AKAP4: variants seen among roughly 807,000 people sequenced by gnomAD.
AKAP4 encodes A-kinase anchor protein 4.
Under a neutral mutation model 42.6 loss-of-function variants are expected in AKAP4, and 4 were observed. The observed-to-expected ratio is 0.09, with a 90% confidence interval of 0.05 to 0.22. AKAP4 has a LOEUF of 0.22. AKAP4 is among the 10% of genes least tolerant of loss of function. The pLI, the probability that AKAP4 is intolerant of heterozygous loss-of-function variation, is 1.00. For missense variants in AKAP4, 551 were observed against 630.7 expected (o/e 0.87, Z 1.35); for synonymous variants, 223 against 233.0 (o/e 0.96, Z 0.39).
chrX:50,195,476 TAA>T (rs1935178815), intron 4 of AKAP4, among the ~76,000 whole-genome samples: 1 of 112,201 alleles, frequency 8.9e-6, no homozygotes, highest in South Asian at 3.7e-4. Flanking sequence ...TGTATATTTA[TAA>T]GTGTGTATAC....
chrX:50,197,713 A>G (rs1935209998), intron 2 of AKAP4, 119 bp from the exon 3 acceptor site: 2 of 569,918 alleles, frequency 3.5e-6, no homozygotes, highest in Non-Finnish European at 2.7e-6. Context: ...TAACTGAGAT[A>G]CTATATGGAA....
At chrX:50,198,391 G>A (rs1029002740) in intron 2 of AKAP4, among the ~76,000 whole-genome samples, 6 of 109,549 alleles carry the variant, frequency 5.5e-5, no homozygotes, top group African/African-American at 2.0e-4. Context: ...AATAGAGGCT[G>A]GTTGCCAGGC....
At position 50,200,952 on chromosome X, in the gene AKAP4, C is replaced by T; in HGVS notation, c.-63G>A. Reference sequence around the variant, plus strand: ...TGCTGTGATGACTCTTCCAGTCTGCCTCAAGATACTGCTTTTTTCTTCAAC... The same window carrying T: ...TGCTGTGATGACTCTTCCAGTCTGCTTCAAGATACTGCTTTTTTCTTCAAC... On this transcript the variant is annotated 5_prime_UTR_variant, in exon 1 of 6. Transcript: ENST00000358526. 2 of 1,092,850 alleles carry T rather than the reference C, an allele frequency of 1.8e-6. No individual in the cohort carries two copies. The highest frequency in any genetic ancestry group is 2.5e-6 in the Non-Finnish European group (2 of 789,506). The allele number at this position is 1,092,850 out of a possible 1,213,427, so 90.1% of individuals were successfully genotyped here.
At chrX:50,194,644 G>C (rs1314527366) in intron 4 of AKAP4, among the ~76,000 whole-genome samples, 1 of 109,112 alleles carries the variant, frequency 9.2e-6, no homozygotes, top group Non-Finnish European at 1.9e-5. Context: ...TTATAGAAGG[G>C]TTATCAATAT....
chrX:50,193,298 G>T lies in AKAP4; in HGVS notation c.1415C>A (p.Ala472Asp). 8.3e-7 allele frequency: 1 copy of T among 1,211,374 alleles called. No individual in the cohort carries two copies. The highest frequency in any genetic ancestry group is 1.1e-6 in the Non-Finnish European group (1 of 895,516). The change falls in exon 5 of 6, where the codon GCT becomes GAT. Residue 472 changes from alanine (A) to aspartate (D), a missense_variant. Transcript: ENST00000358526. ...GCCTTTGTCCCTCTCTTTCATTTCA[G>T]CTTTCATGGTGGAGAATTCAAGACT... The part of the protein sequence containing the change: ...NQSLEFSTMK[A>D]EMKERDKGKM...
intron 1 of AKAP4, chrX:50,200,406 C>T (rs1380009291): frequency 2.7e-6 from 2 of 753,865 alleles, no homozygotes; most frequent in South Asian, 1.3e-4. Flanking sequence ...GCCTCTGACC[C>T]TGGGGTGTGG....
At chrX:50,196,305 C>T (rs1422388892) in intron 4 of AKAP4, among the ~76,000 whole-genome samples, 1 of 111,644 alleles carries the variant, frequency 9.0e-6, no homozygotes, top group Non-Finnish European at 1.9e-5. Context: ...ACCAGCCACT[C>T]CAGGCTTGTA....
chrX:50,200,782 G>T, intron 1 of AKAP4, 81 bp downstream of exon 1: 1 of 930,261 alleles, frequency 1.1e-6, no homozygotes, highest in Non-Finnish European at 1.5e-6. Context: ...AAACTTGGAG[G>T]CTGCCTCAGC....
Position 50,193,369 on chromosome X carries a change from A to G in AKAP4, c.1344T>C (p.Tyr448=). The G allele has an allele frequency of 8.3e-7, 1 of 1,211,583 alleles. No homozygotes were observed. Among genetic ancestry groups the G allele is most frequent in the African/African-American group, 1.7e-5 (1 of 57,767 alleles). The change falls in exon 5 of 6, where the codon TAT becomes TAC. Residue 448 remains tyrosine (Y), a synonymous_variant. Transcript: ENST00000358526. ...EKETKSQSLS[Y]ASLKAGSHDP... ...CATGGGACCCAGCTTTTAAAGATGCATATGACAGACTCTGAGACTTAGTCT... is the reference window on the plus strand; with the variant it reads ...CATGGGACCCAGCTTTTAAAGATGCGTATGACAGACTCTGAGACTTAGTCT...
chrX:50,190,884 G>T lies in AKAP4; in HGVS notation c.*76C>A. ...CAGTTGTGTATTGTGCAGTTGACTG[G>T]CCTGATGGTGGGGGTGCTCTGGCTG... On this transcript the variant is annotated 3_prime_UTR_variant, in exon 6 of 6. Transcript: ENST00000358526. The T allele has an allele frequency of 1.7e-6, 2 of 1,145,843 alleles. No individual in the cohort carries two copies. Among genetic ancestry groups the T allele is most frequent in the Non-Finnish European group, 1.2e-6 (1 of 845,719 alleles). 94.4% of individuals were successfully genotyped at this position (1,145,843 alleles called of 1,213,427 possible).
rs781868791 is a variant in AKAP4 at position 50,192,500 on chromosome X, C to T, written c.2213G>A (p.Gly738Asp). ...AASANKPNFRGTRCIHSGAMP... is the reference protein window; with the variant it reads ...AASANKPNFRDTRCIHSGAMP... The stretch of plus-strand genomic sequence containing the variant: ...TGCACCACTGTGAATGCATCTGGTG[C>T]CCCTGAAATTGGGCTTATTTGCCGA... Residue 738 changes from glycine (G) to aspartate (D), a missense_variant, in exon 5 of 6, where the codon GGC becomes GAC. Gly to Asp is a moderately conservative substitution (Grantham distance 94, BLOSUM62 -1). Coordinates refer to ENST00000358526, the MANE Select transcript of AKAP4 (RefSeq NM_003886.3). 16 of 1,211,188 alleles carry T rather than the reference C, an allele frequency of 1.3e-5. No individual in the cohort carries two copies. The highest frequency in any genetic ancestry group is 1.8e-5 in the Non-Finnish European group (16 of 895,325).
At chrX:50,199,156 C>A (rs1218851761) in intron 1 of AKAP4, among the ~76,000 whole-genome samples, 1 of 110,920 alleles carries the variant, frequency 9.0e-6, no homozygotes, top group Admixed American at 9.6e-5. Context: ...CAAAAAACTC[C>A]AGCTCACGTT....
chrX:50,193,239 T>C lies in AKAP4; in HGVS notation c.1474A>G (p.Ser492Gly), dbSNP rs782458932. ...ATGTGTTCACCGACTTTCTCAGCACTAGTCAGTGACTTGCATGGGTCTGAT... is the reference window on the plus strand; with the variant it reads ...ATGTGTTCACCGACTTTCTCAGCACCAGTCAGTGACTTGCATGGGTCTGAT... ...MKSDPCKSLT[S>G]AEKVGEHILK... is the part of the protein sequence containing the mutation. The change falls in exon 5 of 6, where the codon AGT becomes GGT. Residue 492 changes from serine to glycine, a missense_variant. By Grantham distance (56) the Ser-to-Gly change is moderately conservative (BLOSUM62 0). Transcript: ENST00000358526. The C allele has an allele frequency of 2.0e-5, 24 of 1,210,127 alleles. No individual in the cohort carries two copies. In the East Asian group the frequency reaches 6.2e-4, roughly 31 times the overall value.
chrX:50,196,272 A>G (rs1935190959), intron 4 of AKAP4, among the ~76,000 whole-genome samples: 1 of 111,663 alleles, frequency 9.0e-6, no homozygotes, highest in African/African-American at 3.3e-5. Flanking sequence ...CCTCTGCATT[A>G]AAGTCAAATA....
chrX:50,194,552 G>A (rs371583812), intron 4 of AKAP4, 116 bp from the exon 5 acceptor site: 1 of 550,918 alleles, frequency 1.8e-6, no homozygotes, highest in African/African-American at 2.4e-5. Context: ...GTATGGGAAC[G>A]TAACATCCAG....
chrX:50,198,835 G>A, intron 1 of AKAP4, 83 bp from the exon 2 acceptor site: 2 of 745,925 alleles, frequency 2.7e-6, no homozygotes, highest in East Asian at 3.5e-5. Flanking sequence ...ATCTCTGGAG[G>A]GGTTCTGAAA....
In AKAP4 at chrX:50,200,878, G is replaced by C; in HGVS notation, c.12C>G (p.Tyr4Ter). The C allele has an allele frequency of 1.7e-6, 2 of 1,207,168 alleles. No individual in the cohort carries two copies. Among genetic ancestry groups the C allele is most frequent in the East Asian group, 3.0e-5 (1 of 33,740 alleles). The change falls in exon 1 of 6, where the codon TAC (tyrosine) becomes TAG (stop). Residue 4 changes from tyrosine to a stop codon, truncating the protein, a stop_gained. Coordinates refer to ENST00000358526, the MANE Select transcript of AKAP4 (RefSeq NM_003886.3). LOFTEE classifies it high-confidence loss of function. The stretch of plus-strand genomic sequence containing the variant: ...ATGTCCCTACCATTGTAGTATCAGA[G>C]TACGCCATCATGTAGGACCCTGGAA... The part of the protein sequence containing the change: MMA[Y>*]SDTTMMSDDI...
Position 50,193,965 on chromosome X carries a change from A to C in AKAP4, c.748T>G (p.Ser250Ala). 8.3e-7 allele frequency: 1 copy of C among 1,211,442 alleles called. No homozygotes were observed. Among genetic ancestry groups the C allele is most frequent in the Non-Finnish European group, 1.1e-6 (1 of 895,346 alleles). Residue 250 changes from serine to alanine, a missense_variant, in exon 5 of 6, where the codon TCA becomes GCA. Coordinates refer to ENST00000358526, the MANE Select transcript of AKAP4 (RefSeq NM_003886.3). The part of the protein sequence containing the change: ...LEGKSKCLHH[S>A]ICPSPGNKER... ...TTGTTCCCAGGGGATGGACAGATTG[A>C]ATGATGAAGGCATTTGCTTTTACCT...
In AKAP4 at chrX:50,193,556, C is replaced by A; in HGVS notation, c.1157G>T (p.Cys386Phe). The change falls in exon 5 of 6, where the codon TGC (cysteine) becomes TTC (phenylalanine). Residue 386 changes from cysteine (C) to phenylalanine (F), a missense_variant. Transcript: ENST00000358526. ...AGTAATATTATGCAGGTTCTTCATGCAAGAATCAATCAAATCGGACACAAT... is the reference window on the plus strand; with the variant it reads ...AGTAATATTATGCAGGTTCTTCATGAAAGAATCAATCAAATCGGACACAAT... ...KEIVSDLIDS[C>F]MKNLHNITGV... The A allele has an allele frequency of 1.7e-6, 2 of 1,211,699 alleles. No homozygotes were observed. The highest frequency in any genetic ancestry group is 2.2e-6 in the Non-Finnish European group (2 of 895,526).
Sources: gnomAD v4.1 joint callset for allele counts (sites outside exome capture counted in the v4.1 genomes callset) on GRCh38, gnomAD v4.1.1 for gene constraint, MANE v1.5 for transcripts, NCBI Gene and HGNC (gene_info 2026-07-23, HGNC 2026-07-21) for gene names.